IGF2BP3: variants seen among roughly 807,000 people sequenced by gnomAD.
IGF2BP3 encodes insulin-like growth factor 2 mRNA-binding protein 3.
Under a neutral mutation model 73.8 loss-of-function variants are expected in IGF2BP3, and 9 were observed. That is an observed-to-expected ratio of 0.12 (90% confidence interval 0.07 to 0.21). The LOEUF (loss-of-function observed/expected upper bound fraction) is 0.21, where lower values mean the gene tolerates loss of function less well. Among genes scored for constraint, IGF2BP3 ranks in the 10% least tolerant of loss-of-function variants. IGF2BP3 has a pLI of 1.00. For synonymous variants in IGF2BP3, 258 were observed against 256.7 expected, an observed-to-expected ratio of 1.01 and a Z score of -0.05; for missense variants, 542 against 714.0, an observed-to-expected ratio of 0.76 and a Z score of 2.75.
chr7:23,466,258 G>A (rs1266355020), intron 2 of IGF2BP3, among the ~76,000 whole-genome samples: 1 of 152,060 alleles, frequency 6.6e-6, no homozygotes, highest in Non-Finnish European at 1.5e-5. Context: ...CCTGACCTCA[G>A]GCGATCCACC....
intron 2 of IGF2BP3, among the ~76,000 whole-genome samples, chr7:23,427,007 G>C (rs1787530384): frequency 6.6e-6 from 1 of 152,224 alleles, no homozygotes; most frequent in Non-Finnish European, 1.5e-5. Flanking sequence ...TTCTGCAGCA[G>C]ATGGTTTTGT....
chr7:23,320,617 T>C (rs1386280354), intron 10 of IGF2BP3, among the ~76,000 whole-genome samples: 4 of 135,150 alleles, frequency 3.0e-5, no homozygotes, highest in Non-Finnish European at 6.1e-5. Flanking sequence ...GAGCCACAAC[T>C]GAAGAAGCCA....
intron 12 of IGF2BP3, among the ~76,000 whole-genome samples, chr7:23,314,677 C>T (rs147933590): frequency 6.6e-6 from 1 of 152,266 alleles, no homozygotes; most frequent in East Asian, 1.9e-4. Context: ...GTCAAGCTCA[C>T]ATCTACATGG....
intron 2 of IGF2BP3, among the ~76,000 whole-genome samples, chr7:23,424,429 G>A (rs775575755): frequency 3.3e-5 from 5 of 151,912 alleles, no homozygotes; most frequent in Admixed American, 6.6e-5. Context: ...ACCAGGAGGC[G>A]GACATTGCAG....
rs553548487 is a variant in IGF2BP3, at chr7:23,403,368, A to AT, written c.285+15407dup. On this transcript the variant is annotated intron_variant, in intron 3 of 14. Transcript: ENST00000258729. ...TCATGCCTAAGTATTTATGTACTAA[A>AT]TTTTTTTGTATAAATAATTTTTATG... Among the ~76,000 whole-genome samples, 5 of 152,292 alleles carry AT rather than the reference A, an allele frequency of 3.3e-5. No individual in the cohort carries two copies. The South Asian group carries it at 1.0e-3, about 32-fold the overall frequency.
Position 23,345,836 on chromosome 7 carries a change from C to T in IGF2BP3, c.941+104G>A, listed in dbSNP as rs185995351. ...GAAACCATGTGTAAGTACGGCAGCA[C>T]AGGCTAGCTGAAGCAGCTGTAAAGT... On this transcript the variant is annotated intron_variant, in intron 8 of 14. Coordinates refer to ENST00000258729, the MANE Select transcript of IGF2BP3 (RefSeq NM_006547.3). 8.0e-5 allele frequency: 106 copies of T among 1,325,224 alleles called. No individual in the cohort carries two copies. In the East Asian group the frequency reaches 2.3e-3, roughly 29 times the overall value. 82.1% of individuals were successfully genotyped at this position (1,325,224 alleles called of 1,614,324 possible). A position where few individuals can be genotyped will look rare whatever the true frequency, so the allele number is the denominator to read the frequency against.
At chr7:23,348,840 T>C (rs988024484) in intron 6 of IGF2BP3, among the ~76,000 whole-genome samples, 6 of 152,164 alleles carry the variant, frequency 3.9e-5, no homozygotes, top group African/African-American at 7.2e-5. Context: ...ATTAGAATTA[T>C]CTAATTGCGG....
At chr7:23,368,223 T>TAA (rs1206828156) in intron 3 of IGF2BP3, among the ~76,000 whole-genome samples, 1 of 151,576 alleles carries the variant, frequency 6.6e-6, no homozygotes, top group Non-Finnish European at 1.5e-5. Flanking sequence ...TATTCAACCA[T>TAA]AAAAGGGAGG....
intron 7 of IGF2BP3, among the ~76,000 whole-genome samples, chr7:23,346,591 TTTC>T (rs1359911841): frequency 6.8e-6 from 1 of 147,092 alleles, no homozygotes; most frequent in African/African-American, 2.7e-5. Context: ...GCTTTTCCTT[TTTC>T]TTTCTTTTTT....
rs182034833 is a variant in IGF2BP3, at chr7:23,423,970, T to G, written c.237-5146A>C. ...TCGTCTCTACTAAAAACATAAAAAT[T>G]AGCTGGGCATGGTGGTATGCGCCTG... On this transcript the variant is annotated intron_variant, in intron 2 of 14. Coordinates refer to ENST00000258729, the MANE Select transcript of IGF2BP3 (RefSeq NM_006547.3). Among the ~76,000 whole-genome samples, 254 of 151,868 alleles carry G rather than the reference T, an allele frequency of 1.7e-3. 2 individuals are homozygous for G. Among genetic ancestry groups the G allele is most frequent in the African/African-American group, 5.9e-3 (245 of 41,380 alleles).
chr7:23,420,868 T>A (rs1455404558), intron 2 of IGF2BP3, among the ~76,000 whole-genome samples: 2 of 152,128 alleles, frequency 1.3e-5, no homozygotes, highest in East Asian at 3.9e-4. Flanking sequence ...GTTTAAGAGA[T>A]TCAAAAATCC....
intron 5 of IGF2BP3, among the ~76,000 whole-genome samples, chr7:23,355,757 ACT>A (rs1169561763): frequency 1.3e-5 from 2 of 151,874 alleles, no homozygotes; most frequent in African/African-American, 4.8e-5. Context: ...ATATGACAAA[ACT>A]CTGTCTCTAC....
chr7:23,326,390 T>C (rs888539726), intron 10 of IGF2BP3, among the ~76,000 whole-genome samples: 6 of 152,058 alleles, frequency 3.9e-5, no homozygotes, highest in African/African-American at 1.4e-4. Context: ...CCAGCTAGAA[T>C]GGCAATCATT....
intron 2 of IGF2BP3, among the ~76,000 whole-genome samples, chr7:23,447,591 T>C (rs929016002): frequency 1.3e-5 from 2 of 151,390 alleles, no homozygotes. Context: ...ACCACTGCAG[T>C]CCAGCCTAGA....
intron 3 of IGF2BP3, chr7:23,362,743 T>A (rs1438873529): frequency 6.6e-6 from 1 of 152,098 alleles, no homozygotes; most frequent in East Asian, 1.9e-4. Flanking sequence ...TAACTACAAA[T>A]TTTCTTATTT....
Position 23,469,559 on chromosome 7 carries a change from G to C in IGF2BP3, c.175+377C>G, listed in dbSNP as rs968332279. The stretch of plus-strand genomic sequence containing the variant: ...ACGACCGAGGAAAGCAGGAAGGAAC[G>C]AGGCACAGGCGGGCATTCTAGCTCG... On this transcript the variant is annotated intron_variant, in intron 1 of 14. Coordinates refer to ENST00000258729, the MANE Select transcript of IGF2BP3 (RefSeq NM_006547.3). This position sits in a 1 kb window ranked among gnomAD's most constrained non-coding sequence, Gnocchi z 6.1. 1 of 153,878 alleles carries C rather than the reference G, an allele frequency of 6.5e-6. No homozygotes were observed. Among genetic ancestry groups the C allele is most frequent in the Non-Finnish European group, 1.4e-5 (1 of 69,272 alleles). The allele number at this position is 153,878 out of a possible 1,614,324, so 9.5% of individuals were successfully genotyped here.
chr7:23,392,274 G>C (rs143885897), intron 3 of IGF2BP3, among the ~76,000 whole-genome samples: 1,737 of 152,100 alleles, frequency 0.011, 24 homozygotes, highest in Middle Eastern at 0.031. Context: ...CTCAAGCTTA[G>C]CTAAGCCTCA....
chr7:23,439,578 GAC>G (rs1787884330), intron 2 of IGF2BP3, among the ~76,000 whole-genome samples: 3 of 111,180 alleles, frequency 2.7e-5, no homozygotes, highest in Non-Finnish European at 5.7e-5. Flanking sequence ...AAAAAAAAAA[GAC>G]ATGTTTAAAC....
chr7:23,352,717 G>A (rs274060), intron 5 of IGF2BP3, among the ~76,000 whole-genome samples: 14,929 of 152,116 alleles, frequency 0.098, 1,659 homozygotes, highest in African/African-American at 0.27. Flanking sequence ...CCAGGGCCCC[G>A]GAAGCCCCAA....
Sources: gnomAD v4.1 joint callset for allele counts (sites outside exome capture counted in the v4.1 genomes callset) on GRCh38, gnomAD v4.1.1 for gene constraint, Gnocchi (gnomAD v3.1) non-coding constraint, MANE v1.5 for transcripts, NCBI Gene and HGNC (gene_info 2026-07-23, HGNC 2026-07-21) for gene names.